The following ASNS variants were observed in gnomAD, a reference collection of about 807,000 sequenced individuals.
The protein encoded by ASNS is asparagine synthetase (glutamine-hydrolyzing).
A neutral mutation model predicts 62.6 loss-of-function variants in ASNS; 37 were observed. The ratio of observed to expected loss-of-function variants is 0.59; its 90% CI spans 0.45 to 0.78. ASNS has a LOEUF of 0.78. ASNS is among the 30% of genes least tolerant of loss of function. The probability of loss-of-function intolerance (pLI) is 0.00; values close to 1 mark genes in which losing one functional copy is unlikely to be tolerated. For missense variants in ASNS, 520 were observed against 682.4 expected, an observed-to-expected ratio of 0.76 and a Z score of 2.65; for synonymous variants, 207 against 237.9, an observed-to-expected ratio of 0.87 and a Z score of 1.19.
intron 7 of ASNS, among the ~76,000 whole-genome samples, 186 bp from the exon 8 acceptor site, chr7:97,857,002 T>C (rs530755842): frequency 7.3e-4 from 111 of 152,282 alleles, no homozygotes; most frequent in African/African-American, 2.5e-3. Flanking sequence ...CCTCGCCTGC[T>C]TCAACTCCAC....
Position 97,851,856 on chromosome 7 carries a change from C to A in ASNS, c.*403G>T. On this transcript the variant is annotated 3_prime_UTR_variant, in exon 13 of 13. Transcript: ENST00000394308. ...ATAGAAGATTCAAGTCTGAGTCTGC[C>A]TAGGCAGCTGTTAGGAATGTAGGCA... The A allele has an allele frequency of 5.1e-6, 1 of 196,088 alleles. No homozygotes were observed. Among genetic ancestry groups the A allele is most frequent in the Non-Finnish European group, 1.1e-5 (1 of 94,818 alleles). 12.1% of individuals were successfully genotyped at this position (196,088 alleles called of 1,614,324 possible).
At chr7:97,915,092 A>G in the ASNS span, among the ~76,000 whole-genome samples, 1 of 152,254 alleles carries the variant, frequency 6.6e-6, no homozygotes, top group African/African-American at 2.4e-5. Flanking sequence ...ACTGTGCTTC[A>G]AATATTGCTA....
the ASNS span, among the ~76,000 whole-genome samples, chr7:97,920,097 T>C: frequency 6.6e-6 from 1 of 151,924 alleles, no homozygotes; most frequent in Non-Finnish European, 1.5e-5. Context: ...AAACTCCACC[T>C]TCTGGGTTCA....
the ASNS span, among the ~76,000 whole-genome samples, chr7:97,919,048 T>C: frequency 1.3e-5 from 2 of 152,312 alleles, no homozygotes; most frequent in African/African-American, 4.8e-5. Flanking sequence ...GAGGATGTTT[T>C]GTTTTTTGTT....
the ASNS span, among the ~76,000 whole-genome samples, chr7:97,902,125 T>G: frequency 2.0e-5 from 3 of 152,358 alleles, no homozygotes; most frequent in African/African-American, 7.2e-5. Flanking sequence ...GGGCTTCCAC[T>G]TGCTTTGCTG....
At chr7:97,883,911 G>T in the ASNS span, among the ~76,000 whole-genome samples, 2 of 150,448 alleles carry the variant, frequency 1.3e-5, no homozygotes, top group Admixed American at 6.6e-5. Flanking sequence ...TGGCGTGAAC[G>T]CGGGAGGTGG....
At chr7:97,855,618 C>A (rs1791400653) in intron 8 of ASNS, among the ~76,000 whole-genome samples, 159 bp from the exon 9 acceptor site, 1 of 152,080 alleles carries the variant, frequency 6.6e-6, no homozygotes, top group African/African-American at 2.4e-5. Flanking sequence ...ATTTATAAGC[C>A]ATTTATATGT....
the ASNS span, among the ~76,000 whole-genome samples, chr7:97,889,928 A>AAAAAAAAAAAAAAAAAAAAAAAAAAAAC: frequency 8.1e-5 from 1 of 12,278 alleles, no homozygotes; most frequent in African/African-American, 1.9e-4. Flanking sequence ...TAATGAATAC[A>AAAAAAAAAAAAAAAAAAAAAAAAAAAAC]AAAAAAAAAA....
intron 12 of ASNS, 130 bp from the exon 13 acceptor site, chr7:97,852,598 T>G: frequency 1.1e-6 from 1 of 893,374 alleles, no homozygotes; most frequent in African/African-American, 1.7e-5. Context: ...GAATCACCCA[T>G]CACTTAGAAA....
chr7:97,886,438 C>A, the ASNS span, among the ~76,000 whole-genome samples: 1 of 152,098 alleles, frequency 6.6e-6, no homozygotes, highest in Non-Finnish European at 1.5e-5. Flanking sequence ...TGAGCCACTG[C>A]GCCTGGCCTA....
At chr7:97,892,503 C>T in the ASNS span, among the ~76,000 whole-genome samples, 1 of 152,078 alleles carries the variant, frequency 6.6e-6, no homozygotes, top group Non-Finnish European at 1.5e-5. Context: ...ATTTTCCAAA[C>T]TTTCATGCTC....
At chr7:97,896,856 T>G in the ASNS span, among the ~76,000 whole-genome samples, 1 of 143,414 alleles carries the variant, frequency 7.0e-6, no homozygotes, top group Admixed American at 7.2e-5. Flanking sequence ...AATCCAGAAA[T>G]GAATCCACAT....
At chr7:97,861,664 A>T (rs1343560334) in intron 4 of ASNS, among the ~76,000 whole-genome samples, 1 of 152,216 alleles carries the variant, frequency 6.6e-6, no homozygotes, top group Admixed American at 6.5e-5. Context: ...TTGCAATTCC[A>T]TATGAATTTG....
chr7:97,923,293 T>C, the ASNS span, among the ~76,000 whole-genome samples: 1 of 151,012 alleles, frequency 6.6e-6, no homozygotes, highest in African/African-American at 2.5e-5. Flanking sequence ...TTCATAAAAA[T>C]TAATATTTAA....
Position 97,852,197 on chromosome 7 carries a change from T to G in ASNS, c.*62A>C, listed in dbSNP as rs1791209098. ...AGTTGACTCTCATTGTTCCCCTATC[T>G]ACCCACAGTCCCCATCCAACACGAA... On this transcript the variant is annotated 3_prime_UTR_variant, in exon 13 of 13. Coordinates refer to ENST00000394308, the MANE Select transcript of ASNS (RefSeq NM_001673.5). 6.4e-7 allele frequency: 1 copy of G among 1,565,728 alleles called. No individual in the cohort carries two copies. The highest frequency in any genetic ancestry group is 1.9e-4 in the Middle Eastern group (1 of 5,164).
At chr7:97,925,819 T>C in the ASNS span, among the ~76,000 whole-genome samples, 1 of 152,136 alleles carries the variant, frequency 6.6e-6, no homozygotes, top group Non-Finnish European at 1.5e-5. Flanking sequence ...GTGCCTGGTC[T>C]TGGGGAAGGC....
the ASNS span, among the ~76,000 whole-genome samples, chr7:97,913,313 C>T: frequency 6.6e-6 from 1 of 152,160 alleles, no homozygotes; most frequent in Non-Finnish European, 1.5e-5. Context: ...AACTACTACC[C>T]ATCCCAGAAG....
At chr7:97,906,166 T>G in the ASNS span, among the ~76,000 whole-genome samples, 1 of 152,212 alleles carries the variant, frequency 6.6e-6, no homozygotes, top group African/African-American at 2.4e-5. Context: ...AGATCTGTAT[T>G]ATTCTACTGA....
At chr7:97,880,366 C>G in the ASNS span, among the ~76,000 whole-genome samples, 2 of 152,106 alleles carry the variant, frequency 1.3e-5, no homozygotes, top group South Asian at 4.1e-4. Flanking sequence ...TCAAGTGATT[C>G]GCCTACCTCG....
Sources: allele counts gnomAD v4.1 joint callset (sites outside exome capture counted in the v4.1 genomes callset), GRCh38; gene constraint gnomAD v4.1.1; transcripts MANE v1.5; gene names NCBI Gene and HGNC (gene_info 2026-07-23, HGNC 2026-07-21).